The following SIK3 variants were observed in gnomAD, a reference collection of about 807,000 sequenced individuals.
SIK3 encodes the protein SIK family kinase 3.
Under a neutral mutation model 144.2 loss-of-function variants are expected in SIK3, and 28 were observed. The ratio of observed to expected loss-of-function variants is 0.19; its 90% CI spans 0.14 to 0.27. The LOEUF is 0.27. Among genes scored for constraint, SIK3 ranks in the 10% least tolerant of loss-of-function variants. The pLI, the probability that SIK3 is intolerant of heterozygous loss-of-function variation, is 1.00. For synonymous variants in SIK3, 686 were observed against 676.3 expected (o/e 1.01, Z -0.22); for missense variants, 1,319 against 1,776.0 (o/e 0.74, Z 4.62).
At chr11:117,048,010 T>C (rs917122611) in intron 1 of SIK3, among the ~76,000 whole-genome samples, 1 of 152,184 alleles carries the variant, frequency 6.6e-6, no homozygotes, top group African/African-American at 2.4e-5. Flanking sequence ...GCAAATCTTA[T>C]TCTTTCTCTC....
intron 1 of SIK3, among the ~76,000 whole-genome samples, chr11:116,994,489 T>C (rs1407898774): frequency 6.6e-6 from 1 of 152,240 alleles, no homozygotes; most frequent in Non-Finnish European, 1.5e-5. Context: ...CATTCTCACT[T>C]GTTACGGTGA....
At chr11:116,940,789 T>TAA (rs532039684) in intron 3 of SIK3, among the ~76,000 whole-genome samples, 12 of 137,362 alleles carry the variant, frequency 8.7e-5, no homozygotes, top group East Asian at 4.2e-4. Flanking sequence ...GTGGGGGCAT[T>TAA]AAAAAAAAAA....
intron 1 of SIK3, among the ~76,000 whole-genome samples, chr11:117,013,966 TCTTTTC>T (rs1951405238): frequency 5.8e-5 from 4 of 68,858 alleles, no homozygotes; most frequent in Admixed American, 1.7e-4. Context: ...TTTCTTTTTT[TCTTTTC>T]TTTTTTTTTT....
At chr11:116,992,544 T>G (rs557284599) in intron 1 of SIK3, among the ~76,000 whole-genome samples, 1 of 152,180 alleles carries the variant, frequency 6.6e-6, no homozygotes, top group Admixed American at 6.5e-5. Context: ...ACTGTTAGGA[T>G]GGACCATGCA....
At chr11:116,946,971 C>T (rs187760169) in intron 3 of SIK3, among the ~76,000 whole-genome samples, 116 of 151,122 alleles carry the variant, frequency 7.7e-4, no homozygotes, top group African/African-American at 2.8e-3. Context: ...AAAAATTAGC[C>T]GGGCATAGTG....
intron 3 of SIK3, among the ~76,000 whole-genome samples, chr11:116,951,959 T>C (rs996268980): frequency 6.6e-6 from 1 of 150,460 alleles, no homozygotes; most frequent in Non-Finnish European, 1.5e-5. Context: ...AATAAATAAA[T>C]AAATAAATAA....
At chr11:117,029,069 C>A (rs1469369465) in intron 1 of SIK3, among the ~76,000 whole-genome samples, 4 of 152,078 alleles carry the variant, frequency 2.6e-5, no homozygotes, top group Admixed American at 2.6e-4. Context: ...CCACTACGCC[C>A]GGCTAATTTT....
At chr11:116,956,901 A>G in intron 2 of SIK3, 47 bp downstream of exon 2, 2 of 1,202,312 alleles carry the variant, frequency 1.7e-6, no homozygotes, top group Non-Finnish European at 2.3e-6. Context: ...CATACATACA[A>G]TATTCTGGGT....
intron 11 of SIK3, among the ~76,000 whole-genome samples, 186 bp downstream of exon 11, chr11:116,874,972 T>A (rs1160161519): frequency 6.6e-6 from 1 of 152,220 alleles, no homozygotes; most frequent in Non-Finnish European, 1.5e-5. Flanking sequence ...GGATTTTGGA[T>A]CCTTATTCAT....
chr11:116,850,436 C>T (rs1942337780), intron 21 of SIK3, among the ~76,000 whole-genome samples: 1 of 152,228 alleles, frequency 6.6e-6, no homozygotes, highest in South Asian at 2.1e-4. Flanking sequence ...TTCACTCCTG[C>T]CAATCCAAAG....
At chr11:117,069,132 A>T (rs1954146369) in intron 1 of SIK3, among the ~76,000 whole-genome samples, 1 of 136,692 alleles carries the variant, frequency 7.3e-6, no homozygotes, top group Non-Finnish European at 1.5e-5. Flanking sequence ...AAGAAGATAA[A>T]GGGGTAGGCT....
At chr11:116,949,072 G>A (rs1013104491) in intron 3 of SIK3, among the ~76,000 whole-genome samples, 4 of 151,866 alleles carry the variant, frequency 2.6e-5, no homozygotes, top group East Asian at 1.9e-4. Context: ...ATGAAAATAC[G>A]GCATACTAAA....
At chr11:117,059,936 A>G (rs961018792) in intron 1 of SIK3, among the ~76,000 whole-genome samples, 2 of 152,228 alleles carry the variant, frequency 1.3e-5, no homozygotes, top group East Asian at 1.9e-4. Context: ...TTTGTAAGAC[A>G]GTTTGGCAGT....
intron 1 of SIK3, among the ~76,000 whole-genome samples, chr11:117,010,688 C>A (rs1951214622): frequency 6.6e-6 from 1 of 151,778 alleles, no homozygotes; most frequent in South Asian, 2.1e-4. Flanking sequence ...AAGTAAATAA[C>A]CCCACTTCAT....
At chr11:117,014,333 T>A (rs1461177547) in intron 1 of SIK3, among the ~76,000 whole-genome samples, 2 of 152,148 alleles carry the variant, frequency 1.3e-5, no homozygotes, top group African/African-American at 4.8e-5. Flanking sequence ...TACCTAGTTA[T>A]CTAATAATTT....
chr11:116,914,356 G>C (rs1218744230), intron 4 of SIK3, among the ~76,000 whole-genome samples: 5 of 151,884 alleles, frequency 3.3e-5, no homozygotes, highest in African/African-American at 4.8e-5. Context: ...CTACAGGCAT[G>C]TGCCACCACA....
Position 116,858,020 on chromosome 11 carries a change from A to G in SIK3, c.3445T>C (p.Cys1149Arg), listed in dbSNP as rs561236717. Residue 1149 changes from cysteine to arginine, a missense_variant, in exon 21 of 25, where the codon TGT becomes CGT. Physicochemically the swap from Cys to Arg is radical, Grantham distance 180. Coordinates refer to ENST00000445177, the MANE Select transcript of SIK3 (RefSeq NM_001366686.3). The surrounding 1 kb of genome is among the most constrained non-coding windows in gnomAD (Gnocchi z 5.4). ...TGGAAGCCATCCTTGGCCCCCTCAC[A>G]CGAGCAGTCCTCCTCCATGCTCTCT... is the stretch of plus-strand genomic sequence containing the variant. ...HSESMEEDCS[C>R]EGAKDGFQDS... 1.2e-5 allele frequency: 20 copies of G among 1,613,964 alleles called. No individual in the cohort carries two copies. The highest frequency in any genetic ancestry group is 1.6e-4 in the Middle Eastern group (1 of 6,062).
intron 1 of SIK3, among the ~76,000 whole-genome samples, chr11:117,038,379 CAG>C (rs1952601716): frequency 7.3e-6 from 1 of 137,808 alleles, no homozygotes; most frequent in African/African-American, 2.8e-5. Flanking sequence ...TTTTTTGAGA[CAG>C]AGTCTCGCTC....
chr11:116,924,676 CCA>C (rs1224440594), intron 4 of SIK3, among the ~76,000 whole-genome samples: 1 of 152,152 alleles, frequency 6.6e-6, no homozygotes, highest in African/African-American at 2.4e-5. Context: ...GGAGATGACC[CCA>C]GTCTTCCCTC....
Sources: allele counts gnomAD v4.1 joint callset (sites outside exome capture counted in the v4.1 genomes callset), GRCh38; gene constraint gnomAD v4.1.1; non-coding constraint Gnocchi (gnomAD v3.1); transcripts MANE v1.5; gene names NCBI Gene and HGNC (gene_info 2026-07-23, HGNC 2026-07-21).